The following ZNF543 variants were observed in gnomAD, a reference collection of about 807,000 sequenced individuals.
The protein encoded by ZNF543 is zinc finger protein 543.
A neutral mutation model predicts 13.4 loss-of-function variants in ZNF543; 10 were observed. The observed-to-expected ratio is 0.75, with a 90% CI of 0.46 to 1.26. ZNF543 has a LOEUF of 1.26. ZNF543 is among the 50% of genes most tolerant of loss of function. The probability of loss-of-function intolerance (pLI) is 0.00; values close to 1 mark genes in which losing one functional copy is unlikely to be tolerated. For synonymous variants in ZNF543, 272 were observed against 264.7 expected (o/e 1.03, Z -0.27); for missense variants, 768 against 741.2 (o/e 1.04, Z -0.42).
In ZNF543 at chr19:57,328,042, G is replaced by A. The variant is rs777818365; in HGVS notation, c.580G>A (p.Glu194Lys). ...HGPVTDALIR[E>K]EKNSYKCEEC... is the part of the protein sequence containing the mutation. ...ACCAGTTACAGATGCCTTGATTCGC[G>A]AAGAGAAAAATTCCTATAAATGTGA... Residue 194 changes from glutamate to lysine, a missense_variant, in exon 4 of 4, where the codon GAA (glutamate) becomes AAA (lysine). Coordinates refer to ENST00000321545, the MANE Select transcript of ZNF543 (RefSeq NM_213598.4). 7.4e-6 allele frequency: 12 copies of A among 1,614,086 alleles called. No individual in the cohort carries two copies. The highest frequency in any genetic ancestry group is 4.5e-5 in the East Asian group (2 of 44,898).
At chr19:57,323,278 G>A (rs985753923) in intron 1 of ZNF543, among the ~76,000 whole-genome samples, 14 of 149,922 alleles carry the variant, frequency 9.3e-5, no homozygotes, top group Admixed American at 2.7e-4. Context: ...TGCAAGCTCC[G>A]CCTCCCGGGT....
Position 57,320,597 on chromosome 19 carries a change from A to G in ZNF543, c.-257A>G, listed in dbSNP as rs538262630. The G allele has an allele frequency of 9.6e-6, 5 of 523,020 alleles. No individual in the cohort carries two copies. Among genetic ancestry groups the G allele is most frequent in the Non-Finnish European group, 1.7e-5 (5 of 293,658 alleles). The allele number at this position is 523,020 out of a possible 1,614,324, so 32.4% of individuals were successfully genotyped here. The stretch of plus-strand genomic sequence containing the variant: ...TGAGGCTGTTACGCGCCTTCTCCGC[A>G]TCTTGGCGGGAGCCTGACGCCCCGC... On this transcript the variant is annotated 5_prime_UTR_variant, in exon 1 of 4. Transcript: ENST00000321545.
rs752504144 is a variant in ZNF543 at position 57,328,276 on chromosome 19, C to A, written c.814C>A (p.Arg272=). ...KAFNRRSHLT[R]HQRIHSGEKP... Reference sequence around the variant, plus strand: ...TTTTAACCGCAGGTCACACCTCACACGGCACCAGCGGATTCACAGTGGAGA... The same window carrying A: ...TTTTAACCGCAGGTCACACCTCACAAGGCACCAGCGGATTCACAGTGGAGA... The change falls in exon 4 of 4, where the codon CGG becomes AGG. Residue 272 remains arginine, a synonymous_variant. Coordinates refer to ENST00000321545, the MANE Select transcript of ZNF543 (RefSeq NM_213598.4). 18 of 1,610,740 alleles carry A rather than the reference C, an allele frequency of 1.1e-5. No homozygotes were observed. Among genetic ancestry groups the A allele is most frequent in the Non-Finnish European group, 1.5e-5 (18 of 1,179,088 alleles).
intron 2 of ZNF543, among the ~76,000 whole-genome samples, chr19:57,324,679 GC>G (rs2088111060): frequency 6.6e-6 from 1 of 152,188 alleles, no homozygotes; most frequent in Non-Finnish European, 1.5e-5. Flanking sequence ...ATCTGCCTGA[GC>G]CTCGATCTCT....
chr19:57,321,124 C>T (rs535546316), intron 1 of ZNF543, among the ~76,000 whole-genome samples: 13 of 152,318 alleles, frequency 8.5e-5, no homozygotes, highest in East Asian at 1.9e-4. Context: ...AATCCAACCT[C>T]CTCTGTTGCC....
rs770341952 is a variant in ZNF543 at position 57,327,768 on chromosome 19, CT to C, written c.308del (p.Leu103TyrfsTer6). On this transcript the variant is annotated frameshift_variant, in exon 4 of 4. Coordinates refer to ENST00000321545, the MANE Select transcript of ZNF543 (RefSeq NM_213598.4). LOFTEE classifies it low-confidence loss of function (END_TRUNC). ...CTCACCTGGCCTTGCCTGAGGAAGT[CT>C]TACTCCAGGAACAACTGACACAAGG... ...FSHLALPEEVLLQEQLTQGAS... is the reference protein window; with the variant it reads ...FSHLALPEEVXLQEQLTQGAS... 29 of 1,613,902 alleles carry C rather than the reference CT, an allele frequency of 1.8e-5. No individual in the cohort carries two copies. In the South Asian group the frequency reaches 3.2e-4, roughly 18 times the overall value.
intron 1 of ZNF543, among the ~76,000 whole-genome samples, chr19:57,322,749 C>T (rs2088097481): frequency 6.6e-6 from 1 of 152,000 alleles, no homozygotes; most frequent in African/African-American, 2.4e-5. Context: ...GAGCTGTGGC[C>T]CTTTGCCCCA....
At position 57,326,655 on chromosome 19, in the gene ZNF543, G is replaced by A. The variant is rs1342402473; in HGVS notation, c.168G>A (p.Glu56=). The A allele has an allele frequency of 6.2e-7, 1 of 1,614,040 alleles. No homozygotes were observed. ...MSLGCPLFKP[E]LIYQLDHRQE... ...CAGGCTGTCCTTTGTTCAAACCAGA[G>A]CTGATCTACCAGTTGGATCACAGAC... The change falls in exon 3 of 4, where the codon GAG becomes GAA. Residue 56 remains glutamate, a synonymous_variant. Coordinates refer to ENST00000321545, the MANE Select transcript of ZNF543 (RefSeq NM_213598.4).
intron 1 of ZNF543, among the ~76,000 whole-genome samples, chr19:57,322,248 G>A (rs12609043): frequency 2.0e-5 from 3 of 152,248 alleles, no homozygotes; most frequent in East Asian, 1.9e-4. Context: ...AGAAGTGTCC[G>A]AGGCAGCAGA....
intron 1 of ZNF543, among the ~76,000 whole-genome samples, chr19:57,321,597 C>T (rs1249635723): frequency 6.6e-6 from 1 of 152,180 alleles, no homozygotes; most frequent in African/African-American, 2.4e-5. Flanking sequence ...CTCCTTTAAT[C>T]CTGAACTCCT....
In ZNF543 at chr19:57,328,905, C is replaced by T. The variant is rs758154702; in HGVS notation, c.1443C>T (p.Cys481=). 2.2e-5 allele frequency: 35 copies of T among 1,613,990 alleles called. No homozygotes were observed. Among genetic ancestry groups the T allele is most frequent in the Non-Finnish European group, 2.5e-5 (30 of 1,180,016 alleles). Residue 481 remains cysteine, a synonymous_variant, in exon 4 of 4, where the codon TGC becomes TGT. Transcript: ENST00000321545. ...ACACTGGAGAGAAACCCTATGAGTG[C>T]GTGGAGTGTGGAAAGGCCTTCAACC... ...SIHTGEKPYE[C]VECGKAFNRS...
Position 57,328,746 on chromosome 19 carries a change from T to C in ZNF543, c.1284T>C (p.Cys428=), listed in dbSNP as rs772628330. 17 of 1,613,928 alleles carry C rather than the reference T, an allele frequency of 1.1e-5. No individual in the cohort carries two copies. Among genetic ancestry groups the C allele is most frequent in the Non-Finnish European group, 3.4e-6 (4 of 1,180,012 alleles). ...AGAAGCCTTATGAATGCAGTGAATG[T>C]GGAAAGGCCTTCACCCACTGCTCCA... ...TGEKPYECSE[C]GKAFTHCSTF... The change falls in exon 4 of 4, where the codon TGT becomes TGC. Residue 428 remains cysteine, a synonymous_variant. Coordinates refer to ENST00000321545, the MANE Select transcript of ZNF543 (RefSeq NM_213598.4).
At chr19:57,321,134 C>T (rs1406850166) in intron 1 of ZNF543, among the ~76,000 whole-genome samples, 2 of 152,186 alleles carry the variant, frequency 1.3e-5, no homozygotes, top group Non-Finnish European at 2.9e-5. Flanking sequence ...CCTCTGTTGC[C>T]TGCCAGCCCC....
At chr19:57,326,816 C>T in intron 3 of ZNF543, 88 bp downstream of exon 3, 2 of 1,071,710 alleles carry the variant, frequency 1.9e-6, no homozygotes, top group South Asian at 1.3e-5. Context: ...GGGCAATCTT[C>T]TTATTGTGGT....
At chr19:57,321,937 A>C (rs1460450638) in intron 1 of ZNF543, among the ~76,000 whole-genome samples, 6 of 152,070 alleles carry the variant, frequency 3.9e-5, no homozygotes, top group Admixed American at 1.3e-4. Flanking sequence ...TCCGCAGGGG[A>C]CCCGTGTGGC....
chr19:57,329,414 G>T lies in ZNF543; in HGVS notation c.*149G>T. On this transcript the variant is annotated 3_prime_UTR_variant, in exon 4 of 4. Transcript: ENST00000321545. ...GCCTGGAGTCTTATTCTCCACCTGA[G>T]AATTCACCCATGAGAGAGACCCAGT... 1 of 1,099,872 alleles carries T rather than the reference G, an allele frequency of 9.1e-7. No individual in the cohort carries two copies. Among genetic ancestry groups the T allele is most frequent in the Non-Finnish European group, 1.3e-6 (1 of 784,128 alleles). 68.1% of individuals were successfully genotyped at this position (1,099,872 alleles called of 1,614,324 possible). A position where few individuals can be genotyped will look rare whatever the true frequency, so the allele number is the denominator to read the frequency against.
Position 57,323,715 on chromosome 19 carries a change from T to C in ZNF543, c.52T>C (p.Phe18Leu). The C allele has an allele frequency of 1.2e-6, 2 of 1,613,628 alleles. No homozygotes were observed. Among genetic ancestry groups the C allele is most frequent in the Non-Finnish European group, 8.5e-7 (1 of 1,179,662 alleles). The change falls in exon 2 of 4, where the codon TTC becomes CTC. Residue 18 changes from phenylalanine (F) to leucine (L), a missense_variant. Around this residue, in one of 3 missense-constraint regions of ZNF543, gnomAD observed 77 missense variants for 75.5 expected, o/e 1.02. Coordinates refer to ENST00000321545, the MANE Select transcript of ZNF543 (RefSeq NM_213598.4). ...GACCTTTGAGGATGTGGCTGTGACA[T>C]TCACCCAGGAGGAGTGGGGACAGTT... Reference protein sequence around the residue: ...SVTFEDVAVTFTQEEWGQLDA... With the variant: ...SVTFEDVAVTLTQEEWGQLDA...
rs971601425 is a variant in ZNF543, at chr19:57,328,318, A to G, written c.856A>G (p.Ser286Gly). The G allele has an allele frequency of 6.8e-6, 11 of 1,613,986 alleles. No individual in the cohort carries two copies. Among genetic ancestry groups the G allele is most frequent in the African/African-American group, 1.3e-5 (1 of 74,958 alleles). Reference sequence around the variant, plus strand: ...CAGTGGAGAGAAGCCTTATAAGTGCAGTGAATGTGGAAAGGCCTTCACCCA... The same window carrying G: ...CAGTGGAGAGAAGCCTTATAAGTGCGGTGAATGTGGAAAGGCCTTCACCCA... ...IHSGEKPYKC[S>G]ECGKAFTHRS... Residue 286 changes from serine (S) to glycine (G), a missense_variant, in exon 4 of 4, where the codon AGT becomes GGT. Coordinates refer to ENST00000321545, the MANE Select transcript of ZNF543 (RefSeq NM_213598.4).
At chr19:57,327,634 T>C (rs1447917383) in intron 3 of ZNF543, 70 bp from the exon 4 acceptor site, 12 of 1,522,220 alleles carry the variant, frequency 7.9e-6, no homozygotes, top group Admixed American at 4.5e-5. Flanking sequence ...TATGAATCAC[T>C]GTCCCTGGCC....
Sources: allele counts gnomAD v4.1 joint callset (sites outside exome capture counted in the v4.1 genomes callset), GRCh38; gene constraint gnomAD v4.1.1; regional missense constraint gnomAD v4.1.1; transcripts MANE v1.5; gene names NCBI Gene and HGNC (gene_info 2026-07-23, HGNC 2026-07-21).